GRID2: variants seen among roughly 807,000 people sequenced by gnomAD.
GRID2 encodes glutamate receptor ionotropic, delta-2.
Under a neutral mutation model 114.8 loss-of-function variants are expected in GRID2, and 33 were observed. That is an observed-to-expected ratio of 0.29 (90% CI 0.22 to 0.38). The LOEUF is 0.38. GRID2 is among the 10% of genes least tolerant of loss of function. The pLI is 1.00. For synonymous variants in GRID2, 505 were observed against 449.9 expected (o/e 1.12, Z -1.55); for missense variants, 1,184 against 1,257.7 (o/e 0.94, Z 0.89).
Position 92,600,024 on chromosome 4 carries a change from ATG to A in GRID2, c.244+9758_244+9759del, listed in dbSNP as rs145357264. On this transcript the variant is annotated intron_variant, in intron 2 of 15. Coordinates refer to ENST00000282020, the MANE Select transcript of GRID2 (RefSeq NM_001510.4). ...TGGGCGACAGGGCAATACTTCATGT[ATG>A]TGTGTGTGTGTGTGTGTGTATATAT... Among the ~76,000 whole-genome samples, 689 of 79,490 alleles carry A rather than the reference ATG, an allele frequency of 8.7e-3. 25 individuals carry two copies. The highest frequency in any genetic ancestry group is 0.027 in the African/African-American group (481 of 17,716). 52.1% of individuals were successfully genotyped at this position (79,490 alleles called of 152,430 possible). A position where few individuals can be genotyped will look rare whatever the true frequency, so the allele number is the denominator to read the frequency against.
intron 13 of GRID2, among the ~76,000 whole-genome samples, chr4:93,614,167 A>C (rs13136142): frequency 6.6e-6 from 1 of 152,050 alleles, no homozygotes; most frequent in Non-Finnish European, 1.5e-5. Flanking sequence ...GCCCTGCTTC[A>C]GCTCGCGCAC....
chr4:93,021,287 T>C (rs1327086036), intron 2 of GRID2, among the ~76,000 whole-genome samples: 2 of 151,424 alleles, frequency 1.3e-5, no homozygotes, highest in Non-Finnish European at 2.9e-5. Flanking sequence ...GGATAATTTA[T>C]AGATAACTGT....
rs1300729883 is a variant in GRID2 at position 93,436,927 on chromosome 4, T to C, written c.1545+13959T>C. 3.3e-5 allele frequency among the ~76,000 whole-genome samples: 5 copies of C among 152,150 alleles called. No homozygotes were observed. In the East Asian group the frequency reaches 9.6e-4, roughly 29 times the overall value. ...TAATCATTTTTTAGAAAGTTAAGTTTATGAAATATGATTGATATATATTTT... is the reference window on the plus strand; with the variant it reads ...TAATCATTTTTTAGAAAGTTAAGTTCATGAAATATGATTGATATATATTTT... On this transcript the variant is annotated intron_variant, in intron 10 of 15. Transcript: ENST00000282020.
At chr4:93,389,703 C>T (rs1764656772) in intron 8 of GRID2, among the ~76,000 whole-genome samples, 1 of 152,092 alleles carries the variant, frequency 6.6e-6, no homozygotes, top group South Asian at 2.1e-4. Context: ...ACAAAGGAAA[C>T]CAGTCAAAAT....
chr4:93,444,268 T>C (rs867187199), intron 10 of GRID2, among the ~76,000 whole-genome samples: 11 of 151,946 alleles, frequency 7.2e-5, no homozygotes, highest in South Asian at 4.1e-4. Context: ...GTTCAGAGAC[T>C]AGTGAAAACT....
At chr4:93,769,114 C>A in intron 14 of GRID2, 96 bp from the exon 15 acceptor site, 1 of 1,173,258 alleles carries the variant, frequency 8.5e-7, no homozygotes, top group Non-Finnish European at 1.2e-6. Flanking sequence ...CTTTGACAGC[C>A]ACCATCCTAC....
intron 2 of GRID2, among the ~76,000 whole-genome samples, chr4:93,013,466 AG>A (rs1287751560): frequency 6.6e-6 from 1 of 152,024 alleles, no homozygotes; most frequent in South Asian, 2.1e-4. Flanking sequence ...CTTTTTAGCA[AG>A]GGTGCTAAAA....
chr4:93,567,727 T>A (rs1578278773), intron 13 of GRID2, among the ~76,000 whole-genome samples: 1 of 152,186 alleles, frequency 6.6e-6, no homozygotes, highest in African/African-American at 2.4e-5. Context: ...TGCTGAGTGG[T>A]CCATTCTCCT....
chr4:93,721,162 T>A (rs775210359), intron 14 of GRID2, among the ~76,000 whole-genome samples: 1 of 152,218 alleles, frequency 6.6e-6, no homozygotes, highest in Non-Finnish European at 1.5e-5. Flanking sequence ...GTGATGTGTA[T>A]TTCAAAGGTC....
chr4:92,942,011 G>C (rs1751181791), intron 2 of GRID2, among the ~76,000 whole-genome samples: 1 of 152,212 alleles, frequency 6.6e-6, no homozygotes, highest in South Asian at 2.1e-4. Context: ...TTTTGGAATA[G>C]GTGTGGTGTG....
chr4:93,139,836 A>T (rs143634927), intron 4 of GRID2, among the ~76,000 whole-genome samples: 2 of 152,258 alleles, frequency 1.3e-5, no homozygotes, highest in African/African-American at 4.8e-5. Flanking sequence ...CAACTCAATT[A>T]TATAATGGGA....
intron 4 of GRID2, among the ~76,000 whole-genome samples, chr4:93,135,626 T>C (rs1315657941): frequency 1.3e-5 from 2 of 152,208 alleles, no homozygotes; most frequent in Non-Finnish European, 2.9e-5. Flanking sequence ...TTTTCATCAA[T>C]ATGAGCAGAT....
intron 4 of GRID2, among the ~76,000 whole-genome samples, chr4:93,113,991 G>A (rs1234178365): frequency 6.6e-6 from 1 of 152,128 alleles, no homozygotes; most frequent in Non-Finnish European, 1.5e-5. Context: ...ACGAAAGTAA[G>A]GGTAAATTAT....
chr4:92,697,485 A>G (rs544437016), intron 2 of GRID2, among the ~76,000 whole-genome samples: 1 of 152,304 alleles, frequency 6.6e-6, no homozygotes, highest in African/African-American at 2.4e-5. Flanking sequence ...ATGTAGTTTG[A>G]ATTTTACCCT....
intron 2 of GRID2, among the ~76,000 whole-genome samples, chr4:92,617,770 A>AT (rs933791849): frequency 4.0e-5 from 6 of 151,724 alleles, no homozygotes; most frequent in South Asian, 2.1e-4. Flanking sequence ...GATAGTGAGC[A>AT]TTTTTTTGTA....
At chr4:93,375,252 C>T (rs1014552574) in intron 8 of GRID2, among the ~76,000 whole-genome samples, 1 of 140,200 alleles carries the variant, frequency 7.1e-6, no homozygotes, top group African/African-American at 2.8e-5. Flanking sequence ...CTCACTCTAT[C>T]GCCCAGGCTG....
In GRID2 at chr4:92,875,276, G is replaced by C. The variant is rs1745549668; in HGVS notation, c.245-209719G>C. ...CTCCCGGGTACACGCGATTCTCCTT[G>C]CCTCAGCCTCCTGAGTAGTTGGTAT... On this transcript the variant is annotated intron_variant, in intron 2 of 15. Coordinates refer to ENST00000282020, the MANE Select transcript of GRID2 (RefSeq NM_001510.4). 2.1e-5 allele frequency among the ~76,000 whole-genome samples: 3 copies of C among 144,846 alleles called. No individual in the cohort carries two copies. In the South Asian group the frequency reaches 6.5e-4, roughly 31 times the overall value.
intron 2 of GRID2, among the ~76,000 whole-genome samples, chr4:92,938,545 G>A (rs1750839860): frequency 6.9e-6 from 1 of 145,028 alleles, no homozygotes; most frequent in South Asian, 2.3e-4. Flanking sequence ...TAAGATTAGT[G>A]GGAGGATTAA....
In GRID2 at chr4:92,873,167, ATATT is replaced by A. The variant is rs1213536956; in HGVS notation, c.245-211823_245-211820del. On this transcript the variant is annotated intron_variant, in intron 2 of 15. Transcript: ENST00000282020. ...TTCTTTGGATCATATATCATGAAATATATTTATTATTGTACTTATAATATCAGTC... is the reference window on the plus strand; with the variant it reads ...TTCTTTGGATCATATATCATGAAATATATTATTGTACTTATAATATCAGTC... Among the ~76,000 whole-genome samples, 6 of 152,272 alleles carry A rather than the reference ATATT, an allele frequency of 3.9e-5. No individual in the cohort carries two copies. In the South Asian group the frequency reaches 6.2e-4, roughly 16 times the overall value.
Sources: gnomAD v4.1 joint callset for allele counts (sites outside exome capture counted in the v4.1 genomes callset) on GRCh38, gnomAD v4.1.1 for gene constraint, MANE v1.5 for transcripts, NCBI Gene and HGNC (gene_info 2026-07-23, HGNC 2026-07-21) for gene names.